TMTC1: variants seen among roughly 807,000 people sequenced by gnomAD.
The protein encoded by TMTC1 is protein O-mannosyl-transferase TMTC1.
TMTC1 carries 73 observed loss-of-function variants against 104.8 expected under a neutral mutation model. The observed-to-expected ratio is 0.70, with a 90% CI of 0.58 to 0.85. The LOEUF is 0.85. TMTC1 is among the 40% of genes least tolerant of loss of function. The pLI is 0.00. For synonymous variants in TMTC1, 434 were observed against 428.7 expected (o/e 1.01, Z -0.15); for missense variants, 1,035 against 1,096.1 (o/e 0.94, Z 0.79).
chr12:29,605,692 T>C (rs1458746952), intron 6 of TMTC1, among the ~76,000 whole-genome samples: 4 of 152,122 alleles, frequency 2.6e-5, no homozygotes, highest in African/African-American at 9.7e-5. Context: ...TTAAACTGTA[T>C]AGTTTATTTA....
intron 10 of TMTC1, among the ~76,000 whole-genome samples, chr12:29,541,368 A>G (rs555999068): frequency 1.3e-5 from 2 of 152,274 alleles, no homozygotes; most frequent in African/African-American, 4.8e-5. Context: ...TCTACCACTT[A>G]CTAGCTGTGT....
intron 6 of TMTC1, among the ~76,000 whole-genome samples, chr12:29,607,824 T>C (rs1946743008): frequency 6.6e-6 from 1 of 152,116 alleles, no homozygotes; most frequent in Admixed American, 6.6e-5. Context: ...TGTAGTTGGG[T>C]CATTACAAAG....
intron 5 of TMTC1, among the ~76,000 whole-genome samples, chr12:29,663,238 G>A (rs763530403): frequency 1.3e-5 from 2 of 152,250 alleles, no homozygotes; most frequent in South Asian, 2.1e-4. Context: ...ACTCAACCAC[G>A]ACCACTCTGG....
chr12:29,553,770 G>A (rs1048475115), intron 10 of TMTC1, among the ~76,000 whole-genome samples: 30 of 152,140 alleles, frequency 2.0e-4, no homozygotes, highest in African/African-American at 7.0e-4. Context: ...TAACTCACAT[G>A]TACTAATTTA....
chr12:29,754,504 C>T (rs1360583957), intron 4 of TMTC1, among the ~76,000 whole-genome samples: 1 of 152,080 alleles, frequency 6.6e-6, no homozygotes, highest in Non-Finnish European at 1.5e-5. Flanking sequence ...AGCAGAAAGA[C>T]ATTAGGAGGT....
At chr12:29,608,345 A>T (rs772646434) in intron 6 of TMTC1, among the ~76,000 whole-genome samples, 1 of 152,198 alleles carries the variant, frequency 6.6e-6, no homozygotes, top group African/African-American at 2.4e-5. Flanking sequence ...TATGAGGAGA[A>T]AAAAGAGGAA....
At chr12:29,718,551 T>A (rs1263103180) in intron 5 of TMTC1, among the ~76,000 whole-genome samples, 1 of 152,168 alleles carries the variant, frequency 6.6e-6, no homozygotes, top group Non-Finnish European at 1.5e-5. Context: ...GGATTTCAGA[T>A]GCCATCCCAT....
intron 7 of TMTC1, among the ~76,000 whole-genome samples, chr12:29,583,855 C>T (rs949623186): frequency 6.6e-6 from 1 of 152,170 alleles, no homozygotes; most frequent in African/African-American, 2.4e-5. Flanking sequence ...GCAGCTGAGG[C>T]ATCATGAGAA....
intron 5 of TMTC1, among the ~76,000 whole-genome samples, chr12:29,742,830 C>T (rs1022958054): frequency 6.6e-6 from 1 of 152,124 alleles, no homozygotes; most frequent in African/African-American, 2.4e-5. Context: ...ATGTTTTTCT[C>T]TTATCATCTA....
intron 9 of TMTC1, 120 bp from the exon 10 acceptor site, chr12:29,557,120 C>T (rs1945266508): frequency 8.7e-6 from 10 of 1,152,990 alleles, no homozygotes; most frequent in South Asian, 4.7e-5. Flanking sequence ...TATTCTTGTA[C>T]TTGAATGGTT....
Position 29,754,014 on chromosome 12 carries a change from A to G in TMTC1, c.731+1695T>C, listed in dbSNP as rs111955124. On this transcript the variant is annotated intron_variant, in intron 4 of 17. Transcript: ENST00000539277. ...CCCGAGTAGCTGGGATTACAGGCAC[A>G]TGCCACCATGCCCAGCTAATTTTTG... Among the ~76,000 whole-genome samples, 30 of 152,174 alleles carry G rather than the reference A, an allele frequency of 2.0e-4. No individual in the cohort carries two copies. In the East Asian group the frequency reaches 3.5e-3, roughly 18 times the overall value.
chr12:29,745,814 T>C (rs781781864), intron 5 of TMTC1, among the ~76,000 whole-genome samples: 2 of 152,112 alleles, frequency 1.3e-5, no homozygotes, highest in Non-Finnish European at 2.9e-5. Flanking sequence ...CATTATATAG[T>C]TCAGCCTAAA....
intron 7 of TMTC1, 116 bp downstream of exon 7, chr12:29,604,062 T>G: frequency 7.4e-7 from 1 of 1,352,850 alleles, no homozygotes; most frequent in Admixed American, 2.2e-5. Context: ...GAAATAATAA[T>G]ATCCCTTGTC....
At chr12:29,654,377 G>A (rs951387142) in intron 5 of TMTC1, among the ~76,000 whole-genome samples, 7 of 150,968 alleles carry the variant, frequency 4.6e-5, no homozygotes, top group African/African-American at 1.7e-4. Context: ...GGGAAATATA[G>A]GTACATCAAA....
chr12:29,702,456 C>A (rs1287669252), intron 5 of TMTC1, among the ~76,000 whole-genome samples: 24 of 152,158 alleles, frequency 1.6e-4, no homozygotes, highest in Admixed American at 1.6e-3. Flanking sequence ...CAGCTGTTCA[C>A]CGGAGGTTTC....
chr12:29,673,886 A>G (rs1940622558), intron 5 of TMTC1, among the ~76,000 whole-genome samples: 2 of 150,788 alleles, frequency 1.3e-5, no homozygotes, highest in African/African-American at 2.4e-5. Flanking sequence ...CAGCCTCCCA[A>G]GTAGCTGGGA....
chr12:29,574,219 A>G (rs1945759394), intron 8 of TMTC1, among the ~76,000 whole-genome samples: 1 of 151,984 alleles, frequency 6.6e-6, no homozygotes, highest in Non-Finnish European at 1.5e-5. Context: ...TCATTCACTT[A>G]TAGATTTCCT....
At chr12:29,511,021 C>T (rs1225785186) in intron 17 of TMTC1, among the ~76,000 whole-genome samples, 1 of 152,198 alleles carries the variant, frequency 6.6e-6, no homozygotes, top group Non-Finnish European at 1.5e-5. Context: ...TGTGCTCTTT[C>T]CCTATTTCGC....
intron 17 of TMTC1, among the ~76,000 whole-genome samples, chr12:29,509,093 T>C (rs1254469454): frequency 6.6e-6 from 1 of 152,134 alleles, no homozygotes; most frequent in Non-Finnish European, 1.5e-5. Context: ...TCAGTAGCCA[T>C]GTGTAGCTAG....
Sources: allele counts gnomAD v4.1 joint callset (sites outside exome capture counted in the v4.1 genomes callset), GRCh38; gene constraint gnomAD v4.1.1; transcripts MANE v1.5; gene names NCBI Gene and HGNC (gene_info 2026-07-23, HGNC 2026-07-21).